ZNF383: variants seen among roughly 807,000 people sequenced by gnomAD.
ZNF383 encodes zinc finger protein 383.
A neutral mutation model predicts 44.2 loss-of-function variants in ZNF383; 32 were observed. That is an observed-to-expected ratio of 0.72 (90% CI 0.55 to 0.97). ZNF383 has a LOEUF of 0.97. Among genes scored for constraint, ZNF383 ranks in the 50% least tolerant of loss-of-function variants. The probability of loss-of-function intolerance (pLI) is 0.00; values close to 1 mark genes in which losing one functional copy is unlikely to be tolerated. For synonymous variants in ZNF383, 155 were observed against 186.2 expected (o/e 0.83, Z 1.36); for missense variants, 487 against 562.5 (o/e 0.87, Z 1.36).
chr19:37,239,594 G>A (rs1057480756), intron 5 of ZNF383, among the ~76,000 whole-genome samples: 8 of 152,168 alleles, frequency 5.3e-5, no homozygotes, highest in Non-Finnish European at 8.8e-5. Flanking sequence ...TGGAGTGTGA[G>A]TCAGGGTTTG....
At chr19:37,239,746 G>A (rs958481840) in intron 5 of ZNF383, among the ~76,000 whole-genome samples, 2 of 152,118 alleles carry the variant, frequency 1.3e-5, no homozygotes, top group Non-Finnish European at 2.9e-5. Context: ...GAGACTGGTT[G>A]AGGAGGCTAC....
chr19:37,242,411 A>G, intron 5 of ZNF383, 58 bp from the exon 6 acceptor site: 1 of 1,198,020 alleles, frequency 8.3e-7, no homozygotes, highest in Non-Finnish European at 1.2e-6. Flanking sequence ...TTCTATTATA[A>G]AAGTTTAATT....
At position 37,242,657 on chromosome 19, in the gene ZNF383, G is replaced by T; in HGVS notation, c.421G>T (p.Glu141Ter). 1 of 1,614,008 alleles carries T rather than the reference G, an allele frequency of 6.2e-7. No individual in the cohort carries two copies. The highest frequency in any genetic ancestry group is 1.3e-5 in the African/African-American group (1 of 75,020). ...LGYPNGHFSQ[E>*]IFTPEYMPTF... Reference sequence around the variant, plus strand: ...ATATCCAAATGGGCATTTTAGTCAAGAAATATTCACTCCTGAATACATGCC... The same window carrying T: ...ATATCCAAATGGGCATTTTAGTCAATAAATATTCACTCCTGAATACATGCC... Residue 141 changes from glutamate to a stop codon, truncating the protein, a stop_gained, in exon 6 of 6, where the codon GAA (glutamate) becomes TAA (stop). Coordinates refer to ENST00000684119, the MANE Select transcript of ZNF383 (RefSeq NM_001387601.1). LOFTEE classifies it high-confidence loss of function.
chr19:37,243,121 A>T lies in ZNF383; in HGVS notation c.885A>T (p.Ser295=). The T allele has an allele frequency of 6.2e-7, 1 of 1,614,072 alleles. No individual in the cohort carries two copies. The highest frequency in any genetic ancestry group is 1.7e-4 in the Middle Eastern group (1 of 6,060). ...KVCGKAFTKS[S]QLFQHARIHT... ...GTGGGAAAGCCTTTACTAAGAGCTC[A>T]CAACTTTTTCAGCATGCACGAATTC... Residue 295 remains serine, a synonymous_variant, in exon 6 of 6, where the codon TCA becomes TCT. Transcript: ENST00000684119.
At chr19:37,222,712 T>C (rs1972983421) in intron 1 of ZNF383, among the ~76,000 whole-genome samples, 1 of 152,232 alleles carries the variant, frequency 6.6e-6, no homozygotes, top group South Asian at 2.1e-4. Flanking sequence ...ATTCCATTAC[T>C]GATTGGCATT....
At chr19:37,235,750 G>T (rs1973760016) in intron 4 of ZNF383, 75 bp downstream of exon 4, 2 of 1,481,348 alleles carry the variant, frequency 1.4e-6, no homozygotes, top group African/African-American at 2.8e-5. Context: ...TTTCTCAGCT[G>T]CTTTTCAGGT....
chr19:37,234,881 C>T (rs1973704861), intron 3 of ZNF383, among the ~76,000 whole-genome samples: 1 of 152,194 alleles, frequency 6.6e-6, no homozygotes, highest in Non-Finnish European at 1.5e-5. Flanking sequence ...CGTTCAGACT[C>T]ATCCTGTGCA....
In ZNF383 at chr19:37,234,436, T is replaced by C. The variant is rs112557602; in HGVS notation, c.10-1113T>C. Among the ~76,000 whole-genome samples the C allele has an allele frequency of 8.9e-3, 1,363 of 152,310 alleles. 21 individuals carry two copies. The highest frequency in any genetic ancestry group is 0.031 in the African/African-American group (1,306 of 41,552). Reference sequence around the variant, plus strand: ...CAGAGTCTTGCTCTGTTGCCCAGGCTGGAGTGCAGTGGCGCGATCTCGGCT... The same window carrying C: ...CAGAGTCTTGCTCTGTTGCCCAGGCCGGAGTGCAGTGGCGCGATCTCGGCT... On this transcript the variant is annotated intron_variant, in intron 3 of 5. Transcript: ENST00000684119.
rs950886049 is a variant in ZNF383, at chr19:37,246,429, T to C, written c.*2765T>C. 10 of 152,170 alleles carry C rather than the reference T, an allele frequency of 6.6e-5. No individual in the cohort carries two copies. Among genetic ancestry groups the C allele is most frequent in the Admixed American group, 4.6e-4 (7 of 15,268 alleles). The allele number at this position is 152,170 out of a possible 1,614,324, so 9.4% of individuals were successfully genotyped here. On this transcript the variant is annotated 3_prime_UTR_variant, in exon 6 of 6. Transcript: ENST00000684119. ...AATTTTAAAAGGAAGAGAAAAAGTATGTGTGCATAGTCTTTGTTCAGACTT... is the reference window on the plus strand; with the variant it reads ...AATTTTAAAAGGAAGAGAAAAAGTACGTGTGCATAGTCTTTGTTCAGACTT...
chr19:37,221,581 CAAAT>C (rs999599908), intron 1 of ZNF383, among the ~76,000 whole-genome samples: 1 of 151,902 alleles, frequency 6.6e-6, no homozygotes, highest in African/African-American at 2.4e-5. Flanking sequence ...GACCCTGTCT[CAAAT>C]ATATATATAT....
At chr19:37,221,125 A>G (rs145880984) in intron 1 of ZNF383, among the ~76,000 whole-genome samples, 43 of 152,324 alleles carry the variant, frequency 2.8e-4, no homozygotes, top group African/African-American at 9.4e-4. Flanking sequence ...TAAATTTCCT[A>G]GATAATGCTG....
At chr19:37,237,760 C>T (rs2145526250) in intron 5 of ZNF383, among the ~76,000 whole-genome samples, 1 of 152,248 alleles carries the variant, frequency 6.6e-6, no homozygotes, top group Non-Finnish European at 1.5e-5. Context: ...AGAGAGCCAA[C>T]TCCTTCCATC....
chr19:37,219,465 G>T (rs1972817628), intron 1 of ZNF383: 1 of 152,360 alleles, frequency 6.6e-6, no homozygotes, highest in South Asian at 2.1e-4. Context: ...GTGTTGGTCA[G>T]GCTGGTCTCG....
At position 37,236,035 on chromosome 19, in the gene ZNF383, T is replaced by G; in HGVS notation, c.193T>G (p.Trp65Gly). 6.2e-7 allele frequency: 1 copy of G among 1,613,724 alleles called. No homozygotes were observed. The highest frequency in any genetic ancestry group is 8.5e-7 in the Non-Finnish European group (1 of 1,179,834). The part of the protein sequence containing the change: ...ISLLEQGKEP[W>G]MVGRELTRGL... ...CTTATTGGAACAAGGGAAAGAGCCC[T>G]GGATGGTTGGCAGAGAGCTTACAAG... Residue 65 changes from tryptophan to glycine, a missense_variant, in exon 5 of 6, where the codon TGG becomes GGG. By Grantham distance (184) the Trp-to-Gly change is radical. Transcript: ENST00000684119.
chr19:37,222,852 T>C (rs1972991433), intron 1 of ZNF383, among the ~76,000 whole-genome samples: 1 of 152,198 alleles, frequency 6.6e-6, no homozygotes. Context: ...ATGGTTTCTG[T>C]ATATGTTCAG....
intron 1 of ZNF383, among the ~76,000 whole-genome samples, chr19:37,221,469 G>A (rs1461498507): frequency 6.6e-6 from 1 of 152,036 alleles, no homozygotes; most frequent in Non-Finnish European, 1.5e-5. Context: ...ATTGTCCCAG[G>A]TATTCAGGGG....
chr19:37,225,294 A>G (rs938907380), intron 2 of ZNF383: 2 of 151,778 alleles, frequency 1.3e-5, no homozygotes, highest in Admixed American at 1.3e-4. Context: ...GGGTTTCTCC[A>G]TGTTGGTCAG....
chr19:37,232,099 G>A (rs531566933), intron 3 of ZNF383, among the ~76,000 whole-genome samples: 12 of 147,862 alleles, frequency 8.1e-5, no homozygotes, highest in Admixed American at 6.1e-4. Context: ...TTTTTGAGAC[G>A]GAGTCTCACT....
chr19:37,225,630 C>A (rs368759634), intron 2 of ZNF383, among the ~76,000 whole-genome samples: 1 of 152,094 alleles, frequency 6.6e-6, no homozygotes, highest in South Asian at 2.1e-4. Context: ...TGACTGGCTT[C>A]TTTCCAGTCA....
Sources: gnomAD v4.1 joint callset for allele counts (sites outside exome capture counted in the v4.1 genomes callset) on GRCh38, gnomAD v4.1.1 for gene constraint, MANE v1.5 for transcripts, NCBI Gene and HGNC (gene_info 2026-07-23, HGNC 2026-07-21) for gene names.